GRIA4: variants seen among roughly 807,000 people sequenced by gnomAD.
GRIA4 encodes glutamate ionotropic receptor AMPA type subunit 4, also known as glutamate receptor 4.
Under a neutral mutation model 104.0 loss-of-function variants are expected in GRIA4, and 34 were observed. The observed-to-expected ratio is 0.33, with a 90% CI of 0.25 to 0.44. The LOEUF (loss-of-function observed/expected upper bound fraction) is 0.44, where lower values mean the gene tolerates loss of function less well. Ranked by LOEUF, GRIA4 falls within the 20% of genes least tolerant of loss-of-function variation. The probability of loss-of-function intolerance (pLI) is 1.00; values close to 1 mark genes in which losing one functional copy is unlikely to be tolerated. For synonymous variants in GRIA4, 386 were observed against 381.9 expected (o/e 1.01, Z -0.13); for missense variants, 750 against 1,096.5 (o/e 0.68, Z 4.46).
chr11:105,883,436 C>G (rs1946139825), intron 5 of GRIA4, among the ~76,000 whole-genome samples: 1 of 146,940 alleles, frequency 6.8e-6, no homozygotes, highest in Admixed American at 6.8e-5. Context: ...CCTCCCCCAC[C>G]CCACGGCAGG....
chr11:105,837,569 T>C (rs1446626380), intron 4 of GRIA4, among the ~76,000 whole-genome samples: 1 of 152,080 alleles, frequency 6.6e-6, no homozygotes, highest in Non-Finnish European at 1.5e-5. Flanking sequence ...TAAGGCCAAC[T>C]GCTGAAGGTG....
rs116068883 is a variant in GRIA4 at position 105,893,920 on chromosome 11, A to G, written c.727-4349A>G. Among the ~76,000 whole-genome samples, 451 of 152,318 alleles carry G rather than the reference A, an allele frequency of 3.0e-3. 3 individuals are homozygous for G. Among genetic ancestry groups the G allele is most frequent in the African/African-American group, 0.01 (435 of 41,568 alleles). On this transcript the variant is annotated intron_variant, in intron 6 of 16. Transcript: ENST00000282499. Reference sequence around the variant, plus strand: ...TGATGGACAGTGTTTTTCCCATTTCAGAAACATAGGTTTACTTTCTGGCGT... The same window carrying G: ...TGATGGACAGTGTTTTTCCCATTTCGGAAACATAGGTTTACTTTCTGGCGT...
At chr11:105,668,239 A>ATATATATATATATACTATAT (rs1555095738) in intron 3 of GRIA4, among the ~76,000 whole-genome samples, 1 of 136,638 alleles carries the variant, frequency 7.3e-6, no homozygotes, top group Admixed American at 7.6e-5. Context: ...ATATATATAT[A>ATATATATATATATACTATAT]TATATATACT....
At chr11:105,927,882 A>G (rs530040899) in intron 13 of GRIA4, among the ~76,000 whole-genome samples, 1 of 152,158 alleles carries the variant, frequency 6.6e-6, no homozygotes, top group East Asian at 1.9e-4. Flanking sequence ...ATTTATGTCA[A>G]TTGTTTAAAC....
At chr11:105,901,664 C>G (rs1254741954) in intron 7 of GRIA4, among the ~76,000 whole-genome samples, 1 of 152,174 alleles carries the variant, frequency 6.6e-6, no homozygotes, top group Non-Finnish European at 1.5e-5. Context: ...AATCCCAGGT[C>G]TTTGCCACTC....
Position 105,762,613 on chromosome 11 carries a change from T to C in GRIA4, c.487+9393T>C, listed in dbSNP as rs568879750. Among the ~76,000 whole-genome samples, 4 of 152,324 alleles carry C rather than the reference T, an allele frequency of 2.6e-5. No homozygotes were observed. In the South Asian group the frequency reaches 8.3e-4, roughly 32 times the overall value. On this transcript the variant is annotated intron_variant, in intron 4 of 16. Transcript: ENST00000282499. ...ACCCAATTCTCACCTTGAATTTTAA[T>C]AAGCCCCTCTTGTCATGGGAGGGAC...
intron 4 of GRIA4, among the ~76,000 whole-genome samples, chr11:105,853,157 T>C (rs1944880662): frequency 6.6e-6 from 1 of 152,212 alleles, no homozygotes; most frequent in Non-Finnish European, 1.5e-5. Context: ...GCACTGGCTA[T>C]CTTGCACCCT....
chr11:105,686,027 T>C (rs754131299), intron 3 of GRIA4, among the ~76,000 whole-genome samples: 4 of 152,046 alleles, frequency 2.6e-5, no homozygotes, highest in Non-Finnish European at 5.9e-5. Context: ...TATAGAGGAA[T>C]GCAATAAAGG....
intron 13 of GRIA4, among the ~76,000 whole-genome samples, chr11:105,933,459 G>A (rs1386725669): frequency 6.6e-6 from 1 of 152,050 alleles, no homozygotes; most frequent in African/African-American, 2.4e-5. Context: ...GCAGGTGAGT[G>A]TGGTAACTGT....
At chr11:105,672,832 C>T (rs1008973244) in intron 3 of GRIA4, among the ~76,000 whole-genome samples, 40 of 152,022 alleles carry the variant, frequency 2.6e-4, no homozygotes, top group African/African-American at 9.7e-4. Flanking sequence ...CTTTTCCAAA[C>T]TTTATGACTT....
At chr11:105,927,693 A>T (rs1173716879) in intron 13 of GRIA4, among the ~76,000 whole-genome samples, 1 of 151,868 alleles carries the variant, frequency 6.6e-6, no homozygotes, top group Non-Finnish European at 1.5e-5. Flanking sequence ...CATTATGGGG[A>T]TGAATTTTTT....
intron 16 of GRIA4, among the ~76,000 whole-genome samples, chr11:105,979,138 T>C (rs1859144123): frequency 6.6e-6 from 1 of 152,232 alleles, no homozygotes; most frequent in Non-Finnish European, 1.5e-5. Context: ...AGTCTATACA[T>C]ATCGTTTGTT....
chr11:105,702,049 C>T (rs1046176799), intron 3 of GRIA4, among the ~76,000 whole-genome samples: 2 of 152,020 alleles, frequency 1.3e-5, no homozygotes, highest in South Asian at 2.1e-4. Flanking sequence ...ATCCTCCTGC[C>T]GCAGCCTCCC....
intron 6 of GRIA4, among the ~76,000 whole-genome samples, chr11:105,894,456 T>A (rs1179035177): frequency 6.6e-6 from 1 of 152,214 alleles, no homozygotes; most frequent in African/African-American, 2.4e-5. Flanking sequence ...ATAATCTGTG[T>A]AATACGCTTA....
chr11:105,758,014 T>C (rs1940411582), intron 4 of GRIA4, among the ~76,000 whole-genome samples: 1 of 152,050 alleles, frequency 6.6e-6, no homozygotes, highest in Non-Finnish European at 1.5e-5. Context: ...GAGGACGAAG[T>C]GGGAGGATCA....
At chr11:105,955,370 G>C (rs1195855363) in intron 14 of GRIA4, among the ~76,000 whole-genome samples, 1 of 152,030 alleles carries the variant, frequency 6.6e-6, no homozygotes, top group African/African-American at 2.4e-5. Context: ...GAGAACATGT[G>C]GTGTTTTGTT....
At chr11:105,798,474 C>T (rs993150027) in intron 4 of GRIA4, among the ~76,000 whole-genome samples, 2 of 152,062 alleles carry the variant, frequency 1.3e-5, no homozygotes, top group Non-Finnish European at 2.9e-5. Context: ...AGAAAAGGAT[C>T]TCAGGCAGGT....
chr11:105,862,220 AT>A lies in GRIA4; in HGVS notation c.672+16del. 1 of 1,484,074 alleles carries A rather than the reference AT, an allele frequency of 6.7e-7. No individual in the cohort carries two copies. Among genetic ancestry groups the A allele is most frequent in the South Asian group, 1.1e-5 (1 of 87,588 alleles). 91.9% of individuals were successfully genotyped at this position (1,484,074 alleles called of 1,614,324 possible). On this transcript the variant is annotated intron_variant, in intron 5 of 16. Transcript: ENST00000282499. ...ACATATTAGAACAGGTAAGTCCTAG[AT>A]TTTATATTTTTAACCTAGACCCTAT...
At chr11:105,626,669 A>G (rs1950894794) in intron 3 of GRIA4, among the ~76,000 whole-genome samples, 4 of 152,226 alleles carry the variant, frequency 2.6e-5, no homozygotes, top group Admixed American at 2.6e-4. Flanking sequence ...ACTAATTAAC[A>G]TGCAGCCAAG....
Sources: gnomAD v4.1 joint callset for allele counts (sites outside exome capture counted in the v4.1 genomes callset) on GRCh38, gnomAD v4.1.1 for gene constraint, MANE v1.5 for transcripts, NCBI Gene and HGNC (gene_info 2026-07-23, HGNC 2026-07-21) for gene names.